CLEC4C: variants seen among roughly 807,000 people sequenced by gnomAD.
CLEC4C encodes C-type lectin domain family 4 member C, also known as C-type (calcium dependent, carbohydrate-recognition domain) lectin, superfamily member 11.
A neutral mutation model predicts 27.7 loss-of-function variants in CLEC4C; 17 were observed. The observed-to-expected ratio is 0.61, with a 90% CI of 0.42 to 0.92. The LOEUF is 0.92. Ranked by LOEUF, CLEC4C falls within the 40% of genes least tolerant of loss-of-function variation. The probability of loss-of-function intolerance (pLI) is 0.00; values close to 1 mark genes in which losing one functional copy is unlikely to be tolerated. For synonymous variants in CLEC4C, 80 were observed against 80.8 expected (o/e 0.99, Z 0.06); for missense variants, 244 against 257.3 (o/e 0.95, Z 0.35).
intron 4 of CLEC4C, among the ~76,000 whole-genome samples, chr12:7,732,840 T>A (rs1391958481): frequency 1.4e-5 from 2 of 147,134 alleles, no homozygotes; most frequent in Non-Finnish European, 1.5e-5. Flanking sequence ...AGGCAGCTAC[T>A]CAGGAGGCTG....
chr12:7,742,779 C>T lies in CLEC4C; in HGVS notation c.125-1248G>A, dbSNP rs147956594. ...GAGCCGAGATCGCACCACTGCACTCCAGCCTGGCAACAGAACGAGACTCCA... is the reference window on the plus strand; with the variant it reads ...GAGCCGAGATCGCACCACTGCACTCTAGCCTGGCAACAGAACGAGACTCCA... On this transcript the variant is annotated intron_variant, in intron 2 of 5. Coordinates refer to ENST00000360345, the MANE Select transcript of CLEC4C (RefSeq NM_001371390.1). 2.8e-3 allele frequency among the ~76,000 whole-genome samples: 418 copies of T among 151,844 alleles called. 16 individuals carry two copies. The East Asian group carries it at 0.071, about 26-fold the overall frequency.
At chr12:7,734,100 G>T (rs1007073893) in intron 4 of CLEC4C, among the ~76,000 whole-genome samples, 34 of 152,000 alleles carry the variant, frequency 2.2e-4, no homozygotes, top group African/African-American at 8.2e-4. Flanking sequence ...TTTGACATAG[G>T]TTTTCAGATT....
chr12:7,743,116 C>T (rs1565463498), intron 2 of CLEC4C, among the ~76,000 whole-genome samples: 3 of 152,152 alleles, frequency 2.0e-5, no homozygotes, highest in Non-Finnish European at 1.5e-5. Context: ...GTGGCCTGCT[C>T]ATAGTAGGTG....
intron 3 of CLEC4C, among the ~76,000 whole-genome samples, chr12:7,738,051 A>G (rs953187292): frequency 1.3e-5 from 2 of 152,172 alleles, no homozygotes; most frequent in African/African-American, 4.8e-5. Flanking sequence ...TGGTGGTCAT[A>G]TATGAACCAT....
At chr12:7,739,400 C>T (rs188138047) in intron 3 of CLEC4C, among the ~76,000 whole-genome samples, 444 of 152,162 alleles carry the variant, frequency 2.9e-3, no homozygotes, top group African/African-American at 7.8e-3. Flanking sequence ...GGTGAGCCAC[C>T]GCGCCTGGCC....
intron 4 of CLEC4C, among the ~76,000 whole-genome samples, chr12:7,731,817 T>C (rs1002921969): frequency 2.0e-4 from 31 of 152,112 alleles, no homozygotes; most frequent in Admixed American, 7.9e-4. Context: ...ATATTCTTCT[T>C]GTAAAGGGAG....
chr12:7,736,595 G>T (rs1163181386), intron 4 of CLEC4C, among the ~76,000 whole-genome samples: 2 of 151,906 alleles, frequency 1.3e-5, no homozygotes. Context: ...CCTGAAGTTT[G>T]CTCCGGAATT....
At chr12:7,735,390 C>A (rs1369836089) in intron 4 of CLEC4C, among the ~76,000 whole-genome samples, 1 of 150,572 alleles carries the variant, frequency 6.6e-6, no homozygotes, top group African/African-American at 2.4e-5. Flanking sequence ...GTAATCCCAG[C>A]TATTCAGGAG....
chr12:7,747,876 C>G (rs1466214286), upstream of CLEC4C, among the ~76,000 whole-genome samples: 2 of 137,412 alleles, frequency 1.5e-5, no homozygotes, highest in Non-Finnish European at 3.0e-5. Context: ...TCCTGACCTC[C>G]TGCCGTTGCA....
intron 3 of CLEC4C, among the ~76,000 whole-genome samples, chr12:7,741,127 CT>C (rs969884698): frequency 6.6e-6 from 1 of 152,064 alleles, no homozygotes; most frequent in South Asian, 2.1e-4. Context: ...CGCGCCCGGA[CT>C]TTTTTTGCAT....
chr12:7,741,646 A>T (rs1319213554), intron 2 of CLEC4C, 115 bp from the exon 3 acceptor site: 4 of 606,862 alleles, frequency 6.6e-6, no homozygotes, highest in Non-Finnish European at 1.2e-5. Context: ...TCAGCACTTT[A>T]GGAGGCCGAG....
At chr12:7,745,990 C>T (rs750283890) in intron 2 of CLEC4C, among the ~76,000 whole-genome samples, 36 of 151,598 alleles carry the variant, frequency 2.4e-4, no homozygotes, top group Admixed American at 5.3e-4. Flanking sequence ...CCAAGGTGGG[C>T]GGATCACGAG....
At chr12:7,737,357 G>T in intron 4 of CLEC4C, 72 bp downstream of exon 4, 2 of 1,187,638 alleles carry the variant, frequency 1.7e-6, no homozygotes, top group South Asian at 2.6e-5. Context: ...GAACTTTCAG[G>T]GCAATAAAAA....
intron 4 of CLEC4C, among the ~76,000 whole-genome samples, chr12:7,731,847 G>A (rs991430412): frequency 5.9e-5 from 9 of 152,068 alleles, no homozygotes; most frequent in East Asian, 1.9e-4. Context: ...TCAACTACTC[G>A]AGTGGCTGAG....
intron 5 of CLEC4C, 82 bp from the exon 6 acceptor site, chr12:7,729,822 C>T: frequency 7.5e-7 from 1 of 1,335,714 alleles, no homozygotes; most frequent in Non-Finnish European, 1.0e-6. Context: ...TAGGGTTAAA[C>T]AGTGCGAAAG....
intron 4 of CLEC4C, 137 bp downstream of exon 4, chr12:7,737,292 T>G: frequency 1.4e-6 from 1 of 705,600 alleles, no homozygotes; most frequent in Non-Finnish European, 2.2e-6. Flanking sequence ...TTTCCTGTGT[T>G]TTTTGTTTTT....
At chr12:7,748,035 G>A (rs760778440), upstream of CLEC4C, among the ~76,000 whole-genome samples, 30 of 151,694 alleles carry the variant, frequency 2.0e-4, no homozygotes, top group Admixed American at 1.7e-3. Flanking sequence ...TGGGGTTACC[G>A]TTGTGAGCCA....
At chr12:7,749,510 G>C (rs1160086705), upstream of CLEC4C, 1 of 151,594 alleles carries the variant, frequency 6.6e-6, no homozygotes, top group Non-Finnish European at 1.5e-5. Flanking sequence ...AGCCGTAATC[G>C]TACCACTTCA....
chr12:7,731,330 C>T (rs1423547373), intron 4 of CLEC4C, among the ~76,000 whole-genome samples: 4 of 152,122 alleles, frequency 2.6e-5, no homozygotes, highest in Admixed American at 6.6e-5. Context: ...CAGAAGCAGT[C>T]CAAGCCTCTG....
Sources: gnomAD v4.1 joint callset for allele counts (sites outside exome capture counted in the v4.1 genomes callset) on GRCh38, gnomAD v4.1.1 for gene constraint, MANE v1.5 for transcripts, NCBI Gene and HGNC (gene_info 2026-07-23, HGNC 2026-07-21) for gene names.